The following DCDC2 variants were observed in gnomAD, a reference collection of about 807,000 sequenced individuals.
The protein encoded by DCDC2 is doublecortin domain containing 2, also known as doublecortin domain-containing protein 2.
Under a neutral mutation model 50.2 loss-of-function variants are expected in DCDC2, and 40 were observed. The observed-to-expected ratio is 0.80, with a 90% CI of 0.62 to 1.04. DCDC2 has a LOEUF of 1.04. DCDC2 is among the 50% of genes least tolerant of loss of function. DCDC2 has a pLI of 0.00. For missense variants in DCDC2, 570 were observed against 581.9 expected, an observed-to-expected ratio of 0.98 and a Z score of 0.21; for synonymous variants, 234 against 210.6, an observed-to-expected ratio of 1.11 and a Z score of -0.96.
Position 24,178,446 on chromosome 6 carries a change from C to T in DCDC2, c.1210G>A (p.Val404Ile). ...TTCTCCTCATCGGTGCCTCCATTTA[C>T]ACGAGCAGGGCGTGCCTGCTGCTCA... Reference protein sequence around the residue: ...HSEQQARPARVNGGTDEENGE... With the variant: ...HSEQQARPARINGGTDEENGE... The change falls in exon 9 of 10, where the codon GTA (valine) becomes ATA (isoleucine). Residue 404 changes from valine to isoleucine, a missense_variant. Physicochemically the swap from Val to Ile is conservative, Grantham distance 29 (BLOSUM62 3). Coordinates refer to ENST00000378454, the MANE Select transcript of DCDC2 (RefSeq NM_016356.5). The T allele has an allele frequency of 6.2e-7, 1 of 1,614,180 alleles. No homozygotes were observed. Among genetic ancestry groups the T allele is most frequent in the South Asian group, 1.1e-5 (1 of 91,078 alleles).
the DCDC2 span, among the ~76,000 whole-genome samples, chr6:24,371,703 G>GA: frequency 6.6e-6 from 1 of 152,170 alleles, no homozygotes; most frequent in Non-Finnish European, 1.5e-5. Flanking sequence ...CAGAATGGGA[G>GA]AAAATTTTCG....
chr6:24,298,904 G>C (rs1475404475), intron 4 of DCDC2, among the ~76,000 whole-genome samples: 2 of 152,172 alleles, frequency 1.3e-5, no homozygotes, highest in African/African-American at 4.8e-5. Context: ...TCAACTTCTA[G>C]ACTTTTATAT....
intron 5 of DCDC2, among the ~76,000 whole-genome samples, chr6:24,289,412 TG>T (rs1763690107): frequency 6.6e-6 from 1 of 152,238 alleles, no homozygotes; most frequent in African/African-American, 2.4e-5. Context: ...AAGAATAAGT[TG>T]TTTTGTTGAT....
upstream of DCDC2, among the ~76,000 whole-genome samples, chr6:24,359,144 A>G (rs1408650027): frequency 3.2e-5 from 2 of 61,706 alleles, no homozygotes; most frequent in Non-Finnish European, 5.3e-5. Context: ...TATATATATT[A>G]TATATTTTAT....
upstream of DCDC2, among the ~76,000 whole-genome samples, chr6:24,358,592 G>T (rs1427995887): frequency 6.9e-6 from 1 of 144,168 alleles, no homozygotes; most frequent in Non-Finnish European, 1.5e-5. Context: ...TGAGGCGGGA[G>T]GATTGTTTGA....
chr6:24,351,219 T>C (rs1760363770), intron 2 of DCDC2, among the ~76,000 whole-genome samples: 1 of 152,234 alleles, frequency 6.6e-6, no homozygotes. Context: ...GGGCTGCCTT[T>C]GCTTAAAGCA....
chr6:24,297,106 T>C (rs1759267829), intron 4 of DCDC2, among the ~76,000 whole-genome samples: 1 of 151,980 alleles, frequency 6.6e-6, no homozygotes, highest in Non-Finnish European at 1.5e-5. Flanking sequence ...AAGTGGTACA[T>C]ATACACCATG....
intron 5 of DCDC2, among the ~76,000 whole-genome samples, chr6:24,290,097 C>T (rs1763710293): frequency 7.0e-6 from 1 of 143,648 alleles, no homozygotes; most frequent in South Asian, 2.3e-4. Flanking sequence ...GGGTTCACGC[C>T]ATTCTCCTGC....
chr6:24,376,820 A>T, the DCDC2 span, among the ~76,000 whole-genome samples: 175 of 57,618 alleles, frequency 3.0e-3, 2 homozygotes, highest in African/African-American at 7.8e-3. Context: ...TTTTTAATAA[A>T]AAAAAAAAAA....
rs1358761144 is a variant in DCDC2 at position 24,177,571 on chromosome 6, T to C, written c.1326+759A>G. 2.6e-5 allele frequency among the ~76,000 whole-genome samples: 4 copies of C among 152,272 alleles called. No homozygotes were observed. The East Asian group carries it at 7.7e-4, about 29-fold the overall frequency. ...TGGGATAAGCAGATGGTGAGAATGT[T>C]ATGGAGAACATCCTGCCTCTTATGC... is the stretch of plus-strand genomic sequence containing the variant. On this transcript the variant is annotated intron_variant, in intron 9 of 9. Coordinates refer to ENST00000378454, the MANE Select transcript of DCDC2 (RefSeq NM_016356.5).
chr6:24,338,137 A>C (rs993734211), intron 2 of DCDC2, among the ~76,000 whole-genome samples: 1 of 152,224 alleles, frequency 6.6e-6, no homozygotes, highest in Non-Finnish European at 1.5e-5. Flanking sequence ...AATAATAACA[A>C]TCCCTACTTC....
At position 24,301,663 on chromosome 6, in the gene DCDC2, A is replaced by C. The variant is rs1581640596; in HGVS notation, c.557+52T>G. On this transcript the variant is annotated intron_variant, in intron 4 of 9. Coordinates refer to ENST00000378454, the MANE Select transcript of DCDC2 (RefSeq NM_016356.5). ...CCAGTGACTCCGGAGCCTCCTGAGA[A>C]TATCTTCAACAATTCAAAAACTCCT... The C allele has an allele frequency of 6.9e-6, 11 of 1,600,650 alleles. No individual in the cohort carries two copies. In the East Asian group the frequency reaches 2.2e-4, roughly 33 times the overall value.
At position 24,301,052 on chromosome 6, in the gene DCDC2, TAA is replaced by T. The variant is rs11404583; in HGVS notation, c.557+661_557+662del. The stretch of plus-strand genomic sequence containing the variant: ...ATCAAATAATCATAAATGACCCCTT[TAA>T]AAAAAAAAAACGGACAATTAAGAGT... On this transcript the variant is annotated intron_variant, in intron 4 of 9. Transcript: ENST00000378454. Among the ~76,000 whole-genome samples, 938 of 147,494 alleles carry T rather than the reference TAA, an allele frequency of 6.4e-3. 6 individuals are homozygous for T. Among genetic ancestry groups the T allele is most frequent in the African/African-American group, 0.021 (831 of 40,356 alleles).
chr6:24,359,275 ATATATATTATATATTTTATATTTTT>A (rs1760594744), upstream of DCDC2, among the ~76,000 whole-genome samples: 1 of 49,600 alleles, frequency 2.0e-5, no homozygotes, highest in South Asian at 5.2e-4. Flanking sequence ...TTTATATTTT[ATATATATTATATATTTTATATTTTT>A]TATATATATT....
chr6:24,255,529 A>G (rs987513165), intron 7 of DCDC2, among the ~76,000 whole-genome samples: 5 of 152,178 alleles, frequency 3.3e-5, no homozygotes, highest in African/African-American at 4.8e-5. Context: ...ATGGAAAAAG[A>G]TATTTTTGAT....
chr6:24,373,064 G>A, the DCDC2 span, among the ~76,000 whole-genome samples: 3 of 152,132 alleles, frequency 2.0e-5, no homozygotes, highest in African/African-American at 4.8e-5. Context: ...TTTGCCACAG[G>A]ATTGACAAAA....
upstream of DCDC2, among the ~76,000 whole-genome samples, chr6:24,359,255 TAA>T: frequency 2.6e-5 from 2 of 78,080 alleles, no homozygotes; most frequent in African/African-American, 5.3e-5. Flanking sequence ...ATATTATATA[TAA>T]TATATATTTT....
intron 7 of DCDC2, among the ~76,000 whole-genome samples, chr6:24,272,143 C>T (rs1561752510): frequency 3.3e-5 from 5 of 152,168 alleles, no homozygotes; most frequent in Non-Finnish European, 5.9e-5. Context: ...ATACGTCTTA[C>T]TAGTATTCAG....
intron 7 of DCDC2, among the ~76,000 whole-genome samples, chr6:24,261,227 A>G (rs1763001989): frequency 8.5e-6 from 1 of 117,696 alleles, no homozygotes; most frequent in Non-Finnish European, 1.8e-5. Context: ...TTTGGTGTTC[A>G]ACTACTCTGC....
Sources: gnomAD v4.1 joint callset for allele counts (sites outside exome capture counted in the v4.1 genomes callset) on GRCh38, gnomAD v4.1.1 for gene constraint, MANE v1.5 for transcripts, NCBI Gene and HGNC (gene_info 2026-07-23, HGNC 2026-07-21) for gene names.